The following DDX27 variants were observed in gnomAD, a reference collection of about 807,000 sequenced individuals.
The protein encoded by DDX27 is DEAD-box helicase 27, also known as probable ATP-dependent RNA helicase DDX27.
In DDX27, 42 loss-of-function variants were observed where a neutral mutation model predicts 99.3. That is an observed-to-expected ratio of 0.42 (90% CI 0.33 to 0.55). The LOEUF (loss-of-function observed/expected upper bound fraction) is 0.55. Ranked by LOEUF, DDX27 falls within the 20% of genes least tolerant of loss-of-function variation. The pLI, the probability that DDX27 is intolerant of heterozygous loss-of-function variation, is 0.07. For missense variants in DDX27, 798 were observed against 976.8 expected (o/e 0.82, Z 2.44); for synonymous variants, 329 against 353.8 (o/e 0.93, Z 0.79).
chr20:49,222,920 G>A (rs1268633147), intron 2 of DDX27, 37 bp from the exon 3 acceptor site: 17 of 1,548,446 alleles, frequency 1.1e-5, no homozygotes, highest in Non-Finnish European at 1.3e-5. Flanking sequence ...ATGTTTCAAT[G>A]AAAATTTCTT....
At chr20:49,242,331 C>A in intron 18 of DDX27, 125 bp downstream of exon 18, 1 of 1,438,068 alleles carries the variant, frequency 7.0e-7, no homozygotes. Flanking sequence ...TAGTATGTAC[C>A]AATGTGTACA....
chr20:49,228,832 A>G lies in DDX27; in HGVS notation c.824A>G (p.His275Arg), dbSNP rs372544860. 1.3e-4 allele frequency: 210 copies of G among 1,611,552 alleles called. No individual in the cohort carries two copies. The East Asian group carries it at 3.0e-3, about 23-fold the overall frequency. ...ACCCGAGAGCTGGGCATCCAGGTGCACTCTGTCACCAGACAGCTGGCCCAG... is the reference window on the plus strand; with the variant it reads ...ACCCGAGAGCTGGGCATCCAGGTGCGCTCTGTCACCAGACAGCTGGCCCAG... ...VPTRELGIQV[H>R]SVTRQLAQFC... The change falls in exon 8 of 21, where the codon CAC (histidine) becomes CGC (arginine). Residue 275 changes from histidine (H) to arginine (R), a missense_variant. By Grantham distance (29) the His-to-Arg change is conservative. Coordinates refer to ENST00000618172, the MANE Select transcript of DDX27 (RefSeq NM_017895.8).
Position 49,241,030 on chromosome 20 carries a change from A to C in DDX27, c.1898-863A>C, listed in dbSNP as rs147260827. On this transcript the variant is annotated intron_variant, in intron 16 of 20. Transcript: ENST00000618172. ...ACCCCGACTCAAACCACCACCACCAACAACAAAAAACCCAAAAAATAATCA... is the reference window on the plus strand; with the variant it reads ...ACCCCGACTCAAACCACCACCACCACCAACAAAAAACCCAAAAAATAATCA... Among the ~76,000 whole-genome samples, 719 of 152,284 alleles carry C rather than the reference A, an allele frequency of 4.7e-3. 5 individuals carry two copies. The highest frequency in any genetic ancestry group is 9.0e-3 in the African/African-American group (376 of 41,562).
At chr20:49,233,907 A>C in intron 11 of DDX27, 198 bp downstream of exon 11, 1 of 579,724 alleles carries the variant, frequency 1.7e-6, no homozygotes. Context: ...CGCCTCACCA[A>C]TCCTCTTTGT....
intron 4 of DDX27, 42 bp from the exon 5 acceptor site, chr20:49,224,903 G>C: frequency 6.2e-7 from 1 of 1,611,968 alleles, no homozygotes. Context: ...CAAGTGCTTT[G>C]TAAGTCTGAG....
intron 4 of DDX27, chr20:49,224,702 A>G (rs1431067373): frequency 3.7e-6 from 2 of 536,364 alleles, no homozygotes; most frequent in East Asian, 3.1e-5. Flanking sequence ...CTAAAGCATC[A>G]TAATACAGTG....
intron 17 of DDX27, 23 bp downstream of exon 17, chr20:49,242,010 T>G: frequency 6.2e-7 from 1 of 1,613,478 alleles, no homozygotes. Flanking sequence ...CCTTTTGGAG[T>G]TTGGGCCCAC....
rs1310432508 is a variant in DDX27 at position 49,221,447 on chromosome 20, C to T, written c.94-5C>T. ...CAAAGTCACTCTGTCTCTTACTCTT[C>T]CCAGGGGCCCATTGTGCTGGGCAGA... is the stretch of plus-strand genomic sequence containing the variant. On this transcript the variant is annotated splice_polypyrimidine_tract_variant and splice_region_variant and intron_variant, in intron 1 of 20. Transcript: ENST00000618172. The T allele has an allele frequency of 1.2e-6, 2 of 1,612,948 alleles. No homozygotes were observed. Among genetic ancestry groups the T allele is most frequent in the Non-Finnish European group, 1.7e-6 (2 of 1,179,902 alleles).
Position 49,235,077 on chromosome 20 carries a change from G to A in DDX27, c.1416G>A (p.Leu472=). 3.7e-6 allele frequency: 6 copies of A among 1,606,570 alleles called. No homozygotes were observed. Among genetic ancestry groups the A allele is most frequent in the Non-Finnish European group, 5.1e-6 (6 of 1,176,004 alleles). Residue 472 remains leucine, a synonymous_variant, in exon 12 of 21, where the codon CTG becomes CTA. Coordinates refer to ENST00000618172, the MANE Select transcript of DDX27 (RefSeq NM_017895.8). The part of the protein sequence containing the change: ...LHGNLSQTQR[L]EALRRFKDEQ... ...GCAACTTGTCACAGACGCAGCGGCT[G>A]GAGGCCCTCCGGTAACATTTGGGGT...
At position 49,228,828 on chromosome 20, in the gene DDX27, G is replaced by T; in HGVS notation, c.820G>T (p.Val274Leu). The change falls in exon 8 of 21, where the codon GTG (valine) becomes TTG (leucine). Residue 274 changes from valine to leucine, a missense_variant. Transcript: ENST00000618172. ...GCCCACCCGAGAGCTGGGCATCCAGGTGCACTCTGTCACCAGACAGCTGGC... is the reference window on the plus strand; with the variant it reads ...GCCCACCCGAGAGCTGGGCATCCAGTTGCACTCTGTCACCAGACAGCTGGC... Reference protein sequence around the residue: ...LVPTRELGIQVHSVTRQLAQF... With the variant: ...LVPTRELGIQLHSVTRQLAQF... 6.2e-7 allele frequency: 1 copy of T among 1,612,478 alleles called. No homozygotes were observed. The highest frequency in any genetic ancestry group is 8.5e-7 in the Non-Finnish European group (1 of 1,179,130).
At position 49,230,283 on chromosome 20, in the gene DDX27, A is replaced by G; in HGVS notation, c.965A>G (p.His322Arg). 6.2e-7 allele frequency: 1 copy of G among 1,612,682 alleles called. No homozygotes were observed. Among genetic ancestry groups the G allele is most frequent in the Non-Finnish European group, 8.5e-7 (1 of 1,179,926 alleles). Residue 322 changes from histidine to arginine, a missense_variant, in exon 9 of 21, where the codon CAC (histidine) becomes CGC (arginine). Coordinates refer to ENST00000618172, the MANE Select transcript of DDX27 (RefSeq NM_017895.8). ...LIATPGRLID[H>R]LHNCPSFHLS... ...GCCACCCCAGGCCGGCTCATCGATC[A>G]CCTCCACAACTGCCCTTCCTTCCAC...
At chr20:49,228,356 G>A (rs774820409) in intron 7 of DDX27, among the ~76,000 whole-genome samples, 1 of 151,832 alleles carries the variant, frequency 6.6e-6, no homozygotes, top group Non-Finnish European at 1.5e-5. Context: ...GGCTGGTCTC[G>A]AACTCCTGAC....
chr20:49,232,501 C>A (rs1048874828), intron 9 of DDX27, among the ~76,000 whole-genome samples: 3 of 151,216 alleles, frequency 2.0e-5, no homozygotes, highest in Non-Finnish European at 4.4e-5. Context: ...CGGTGGCTCA[C>A]GCCTGTAATC....
intron 9 of DDX27, among the ~76,000 whole-genome samples, chr20:49,230,581 C>T (rs1320780709): frequency 1.3e-5 from 2 of 152,226 alleles, no homozygotes; most frequent in African/African-American, 2.4e-5. Flanking sequence ...AATGTTGGTC[C>T]TGCCACTTCC....
Position 49,223,288 on chromosome 20 carries a change from G to A in DDX27, c.321G>A (p.Gly107=). ...CCCAGGATAAAGAAGCCAAGTCTGGGAAGTTGGAAAAGGAGAAAGAAGCAA... is the reference window on the plus strand; with the variant it reads ...CCCAGGATAAAGAAGCCAAGTCTGGAAAGTTGGAAAAGGAGAAAGAAGCAA... ...RKTEDKEAKS[G]KLEKEKEAKE... The change falls in exon 4 of 21, where the codon GGG becomes GGA. Residue 107 remains glycine, a synonymous_variant. Coordinates refer to ENST00000618172, the MANE Select transcript of DDX27 (RefSeq NM_017895.8). 1.2e-6 allele frequency: 2 copies of A among 1,610,558 alleles called. No homozygotes were observed.
chr20:49,227,422 G>C (rs1468707460), intron 7 of DDX27, among the ~76,000 whole-genome samples: 2 of 150,752 alleles, frequency 1.3e-5, no homozygotes, highest in Non-Finnish European at 3.0e-5. Context: ...GCTGGAGTGC[G>C]GTGGCGCAAT....
chr20:49,237,681 G>T (rs1600975176), intron 14 of DDX27, among the ~76,000 whole-genome samples: 1 of 152,296 alleles, frequency 6.6e-6, no homozygotes, highest in South Asian at 2.1e-4. Context: ...AGCTGTTAAG[G>T]AAAGGCCTCT....
chr20:49,233,796 T>C (rs1980210723), intron 11 of DDX27, 87 bp downstream of exon 11: 2 of 1,470,520 alleles, frequency 1.4e-6, no homozygotes, highest in Admixed American at 1.8e-5. Context: ...TGGTTTCCCC[T>C]GCGCCTCTGC....
At chr20:49,223,232 A>C in intron 3 of DDX27, 36 bp from the exon 4 acceptor site, 2 of 1,589,762 alleles carry the variant, frequency 1.3e-6, no homozygotes, top group South Asian at 2.3e-5. Context: ...GATTTCTAGA[A>C]GTTTCTCATC....
Sources: allele counts gnomAD v4.1 joint callset (sites outside exome capture counted in the v4.1 genomes callset), GRCh38; gene constraint gnomAD v4.1.1; transcripts MANE v1.5; gene names NCBI Gene and HGNC (gene_info 2026-07-23, HGNC 2026-07-21).